Variants in MECOM observed in about 807,000 individuals in gnomAD.
The protein encoded by MECOM is MDS1 and EVI1 complex locus.
A neutral mutation model predicts 116.3 loss-of-function variants in MECOM; 13 were observed. That is an observed-to-expected ratio of 0.11 (90% CI 0.07 to 0.18). The LOEUF (loss-of-function observed/expected upper bound fraction) is 0.18. Among genes scored for constraint, MECOM ranks in the 10% least tolerant of loss-of-function variants. The probability of loss-of-function intolerance (pLI) is 1.00; values close to 1 mark genes in which losing one functional copy is unlikely to be tolerated. For missense variants in MECOM, 1,299 were observed against 1,509.0 expected (o/e 0.86, Z 2.31); for synonymous variants, 528 against 535.2 (o/e 0.99, Z 0.19).
At chr3:169,531,856 T>C (rs750445142) in intron 1 of MECOM, among the ~76,000 whole-genome samples, 4 of 152,154 alleles carry the variant, frequency 2.6e-5, no homozygotes, top group Admixed American at 6.5e-5. Context: ...TTTGTACCAA[T>C]TGGGAGCAGA....
chr3:169,287,639 A>G (rs965522980), intron 2 of MECOM, among the ~76,000 whole-genome samples: 1 of 152,170 alleles, frequency 6.6e-6, no homozygotes, highest in South Asian at 2.1e-4. Context: ...TTCAAATCCT[A>G]TATTCATTTT....
At chr3:169,118,822 G>A (rs150485021) in intron 7 of MECOM, among the ~76,000 whole-genome samples, 316 of 152,218 alleles carry the variant, frequency 2.1e-3, no homozygotes, top group Admixed American at 4.2e-3. Context: ...TGCTGTCTGT[G>A]TCTGGGCTCA....
At chr3:169,411,552 C>A (rs1200921953) in intron 1 of MECOM, among the ~76,000 whole-genome samples, 2 of 152,194 alleles carry the variant, frequency 1.3e-5, no homozygotes, top group East Asian at 3.8e-4. Context: ...GACGTCCGCA[C>A]TCTGAGAGGC....
chr3:169,092,831 A>G, intron 14 of MECOM, 127 bp downstream of exon 14: 2 of 1,041,540 alleles, frequency 1.9e-6, no homozygotes, highest in Non-Finnish European at 2.8e-6. Context: ...TTTAATATGT[A>G]CTAAATATAT....
chr3:169,574,780 G>A (rs986340023), intron 1 of MECOM, among the ~76,000 whole-genome samples: 3 of 151,704 alleles, frequency 2.0e-5, no homozygotes, highest in Admixed American at 1.3e-4. Flanking sequence ...GAAAGACTTA[G>A]CAGCCATTGA....
At chr3:169,527,905 T>C (rs1758146422) in intron 1 of MECOM, among the ~76,000 whole-genome samples, 1 of 152,252 alleles carries the variant, frequency 6.6e-6, no homozygotes, top group Non-Finnish European at 1.5e-5. Flanking sequence ...GGTAGGACTT[T>C]GCTAACTGTG....
chr3:169,322,238 A>G (rs190693987), intron 2 of MECOM, among the ~76,000 whole-genome samples: 4 of 152,210 alleles, frequency 2.6e-5, no homozygotes, highest in Admixed American at 2.6e-4. Context: ...TCTAGACCCA[A>G]ATATTTTTCT....
chr3:169,246,905 T>A (rs910678739), intron 2 of MECOM, among the ~76,000 whole-genome samples: 5 of 152,208 alleles, frequency 3.3e-5, no homozygotes, highest in African/African-American at 1.2e-4. Flanking sequence ...TATCATTCTA[T>A]GAAAGACAAT....
At chr3:169,222,518 T>C (rs1752248901) in intron 2 of MECOM, among the ~76,000 whole-genome samples, 1 of 152,192 alleles carries the variant, frequency 6.6e-6, no homozygotes, top group Non-Finnish European at 1.5e-5. Context: ...GAGTCTGCTC[T>C]GGCAGCGGGG....
intron 1 of MECOM, among the ~76,000 whole-genome samples, chr3:169,425,209 T>G (rs922735829): frequency 6.6e-6 from 1 of 152,092 alleles, no homozygotes; most frequent in South Asian, 2.1e-4. Context: ...TGGAGCACTT[T>G]CAATTTTTTA....
chr3:169,322,053 G>A (rs957544500), intron 2 of MECOM, among the ~76,000 whole-genome samples: 2 of 152,036 alleles, frequency 1.3e-5, no homozygotes, highest in Non-Finnish European at 2.9e-5. Flanking sequence ...AATAATATTG[G>A]TTTCTTCACA....
At chr3:169,147,407 G>C (rs1740235449) in intron 2 of MECOM, 1 of 985,438 alleles carries the variant, frequency 1.0e-6, no homozygotes, top group Non-Finnish European at 1.2e-6. Context: ...GGATCTGCTC[G>C]GCCATCCAGA....
intron 1 of MECOM, among the ~76,000 whole-genome samples, chr3:169,410,305 T>C (rs982377749): frequency 5.9e-5 from 9 of 152,228 alleles, no homozygotes; most frequent in Admixed American, 2.0e-4. Flanking sequence ...GGCTTTTTGT[T>C]CAGTAGTTTT....
chr3:169,230,419 G>A (rs947528989), intron 2 of MECOM, among the ~76,000 whole-genome samples: 1 of 151,982 alleles, frequency 6.6e-6, no homozygotes, highest in South Asian at 2.1e-4. Context: ...GTTAAAAGTG[G>A]GCAGATTTTA....
chr3:169,129,874 C>T (rs1369397426), intron 4 of MECOM, among the ~76,000 whole-genome samples: 1 of 152,114 alleles, frequency 6.6e-6, no homozygotes, highest in Non-Finnish European at 1.5e-5. Flanking sequence ...TAATTTCTTT[C>T]CCACAGGTTC....
At chr3:169,599,511 C>CAAAAAA (rs535539075) in intron 1 of MECOM, among the ~76,000 whole-genome samples, 1 of 94,560 alleles carries the variant, frequency 1.1e-5, no homozygotes, top group Non-Finnish European at 2.3e-5. Flanking sequence ...GACTCTGTCT[C>CAAAAAA]AAAAAAAAAA....
At chr3:169,120,660 GATCCAGAACA>G (rs1730727509) in intron 7 of MECOM, among the ~76,000 whole-genome samples, 2 of 152,120 alleles carry the variant, frequency 1.3e-5, no homozygotes, top group Admixed American at 1.3e-4. Flanking sequence ...AGCTCTTTCT[GATCCAGAACA>G]GGTTTTTAAT....
intron 1 of MECOM, among the ~76,000 whole-genome samples, chr3:169,496,260 C>T (rs1753799851): frequency 1.3e-5 from 2 of 152,158 alleles, no homozygotes; most frequent in South Asian, 2.1e-4. Flanking sequence ...CTTAAAGATT[C>T]CCTTGAAGAC....
At chr3:169,276,188 C>A (rs1459995088) in intron 2 of MECOM, among the ~76,000 whole-genome samples, 3 of 152,174 alleles carry the variant, frequency 2.0e-5, no homozygotes, top group African/African-American at 7.2e-5. Context: ...TGCCTAAGGA[C>A]TTCAAGCCTT....
Sources: gnomAD v4.1 joint callset for allele counts (sites outside exome capture counted in the v4.1 genomes callset) on GRCh38, gnomAD v4.1.1 for gene constraint, MANE v1.5 for transcripts, NCBI Gene and HGNC (gene_info 2026-07-23, HGNC 2026-07-21) for gene names.